Variants in DNAJC1 observed in about 807,000 individuals in gnomAD.
The protein encoded by DNAJC1 is DnaJ heat shock protein family (Hsp40) member C1.
A neutral mutation model predicts 76.6 loss-of-function variants in DNAJC1; 58 were observed. The observed-to-expected ratio is 0.76, with a 90% CI of 0.61 to 0.94. The LOEUF (loss-of-function observed/expected upper bound fraction) is 0.94. DNAJC1 is among the 40% of genes least tolerant of loss of function. The pLI, the probability that DNAJC1 is intolerant of heterozygous loss-of-function variation, is 0.00. For synonymous variants in DNAJC1, 258 were observed against 267.9 expected (o/e 0.96, Z 0.36); for missense variants, 689 against 677.3 (o/e 1.02, Z -0.19).
intron 1 of DNAJC1, among the ~76,000 whole-genome samples, chr10:21,966,951 T>C (rs1837901111): frequency 6.6e-6 from 1 of 151,874 alleles, no homozygotes; most frequent in Non-Finnish European, 1.5e-5. Context: ...CCTCCCAAAG[T>C]GCTGGGATTA....
At chr10:21,764,803 TAG>T (rs1834277556) in intron 10 of DNAJC1, among the ~76,000 whole-genome samples, 1 of 152,262 alleles carries the variant, frequency 6.6e-6, no homozygotes, top group Non-Finnish European at 1.5e-5. Context: ...ATGGTGCTTT[TAG>T]AGAGTCACAG....
intron 9 of DNAJC1, among the ~76,000 whole-genome samples, chr10:21,779,674 A>G (rs1826277801): frequency 6.6e-6 from 1 of 152,224 alleles, no homozygotes; most frequent in South Asian, 2.1e-4. Flanking sequence ...TGAGAATTCT[A>G]AAAATCTGAG....
rs1206624509 is a variant in DNAJC1, at chr10:21,954,580, T to C, written c.223-25439A>G. On this transcript the variant is annotated intron_variant, in intron 1 of 11. Coordinates refer to ENST00000376980, the MANE Select transcript of DNAJC1 (RefSeq NM_022365.4). ...TAGTAGGCTGAAATATAGAGTTAACTTAGTAACTCTCAACAACCATGTTTA... is the reference window on the plus strand; with the variant it reads ...TAGTAGGCTGAAATATAGAGTTAACCTAGTAACTCTCAACAACCATGTTTA... Among the ~76,000 whole-genome samples, 3 of 152,202 alleles carry C rather than the reference T, an allele frequency of 2.0e-5. No individual in the cohort carries two copies. In the East Asian group the frequency reaches 5.8e-4, roughly 29 times the overall value.
At chr10:21,931,454 T>C (rs554072856) in intron 1 of DNAJC1, among the ~76,000 whole-genome samples, 55 of 152,320 alleles carry the variant, frequency 3.6e-4, no homozygotes, top group Middle Eastern at 3.4e-3. Flanking sequence ...TCTAGATAAG[T>C]TGTACTTCAA....
chr10:21,904,556 A>T lies in DNAJC1; in HGVS notation c.786T>A (p.Asp262Glu), dbSNP rs755704263. The T allele has an allele frequency of 1.6e-5, 26 of 1,607,690 alleles. No homozygotes were observed. Among genetic ancestry groups the T allele is most frequent in the Non-Finnish European group, 2.2e-5 (26 of 1,177,332 alleles). ...YKETRLKEKE[D>E]ALTRTELETL... is the part of the protein sequence containing the mutation. ...TTTCAAGTTCAGTTCTAGTCAGTGC[A>T]TCTTCCTTTTCCTTCAATCTTGTTT... Residue 262 changes from aspartate (D) to glutamate (E), a missense_variant, in exon 7 of 12, where the codon GAT becomes GAA. Transcript: ENST00000376980.
chr10:21,962,666 TAG>T (rs1837818169), intron 1 of DNAJC1, among the ~76,000 whole-genome samples: 1 of 146,924 alleles, frequency 6.8e-6, no homozygotes, highest in African/African-American at 2.5e-5. Flanking sequence ...TTTTTTTTTG[TAG>T]AGACAGGTTA....
intron 1 of DNAJC1, among the ~76,000 whole-genome samples, chr10:21,968,383 C>T (rs1037541758): frequency 1.3e-5 from 2 of 152,110 alleles, no homozygotes; most frequent in African/African-American, 2.4e-5. Flanking sequence ...GGATTAGAGA[C>T]CTTATGTTAC....
At chr10:21,912,027 C>A (rs191173873) in intron 6 of DNAJC1, among the ~76,000 whole-genome samples, 11 of 152,140 alleles carry the variant, frequency 7.2e-5, no homozygotes, top group Admixed American at 2.6e-4. Flanking sequence ...TTATGATGGG[C>A]TTATCAGGAT....
chr10:21,876,264 C>T (rs1029385273), intron 8 of DNAJC1, among the ~76,000 whole-genome samples: 3 of 151,942 alleles, frequency 2.0e-5, no homozygotes, highest in Non-Finnish European at 4.4e-5. Flanking sequence ...GTGCGTGTCA[C>T]CAGACCTGGC....
At chr10:21,851,436 C>T (rs1835750614) in intron 8 of DNAJC1, among the ~76,000 whole-genome samples, 1 of 152,128 alleles carries the variant, frequency 6.6e-6, no homozygotes, top group South Asian at 2.1e-4. Context: ...TATCACTGCA[C>T]ACCCTAGGGT....
intron 1 of DNAJC1, among the ~76,000 whole-genome samples, chr10:21,932,919 C>T (rs1306933515): frequency 3.9e-5 from 6 of 152,036 alleles, no homozygotes; most frequent in Non-Finnish European, 8.8e-5. Context: ...ATGTATTAGC[C>T]AGTGCTGAAT....
intron 6 of DNAJC1, among the ~76,000 whole-genome samples, chr10:21,916,668 TG>T (rs1836960963): frequency 6.6e-6 from 1 of 152,144 alleles, no homozygotes; most frequent in African/African-American, 2.4e-5. Flanking sequence ...GAAAAAGACT[TG>T]TTGTAAATTT....
chr10:21,987,812 T>G (rs1038565674), intron 1 of DNAJC1, among the ~76,000 whole-genome samples: 3 of 152,198 alleles, frequency 2.0e-5, no homozygotes, highest in South Asian at 2.1e-4. Context: ...TTAGCAGAAC[T>G]CTAAGTGAAA....
At chr10:21,822,605 A>G (rs1835179480) in intron 8 of DNAJC1, among the ~76,000 whole-genome samples, 1 of 152,150 alleles carries the variant, frequency 6.6e-6, no homozygotes, top group South Asian at 2.1e-4. Flanking sequence ...GGCTAGAGTA[A>G]GACCTTAACA....
intron 1 of DNAJC1, among the ~76,000 whole-genome samples, chr10:21,966,810 C>T (rs540385261): frequency 1.3e-5 from 2 of 151,756 alleles, no homozygotes; most frequent in African/African-American, 4.8e-5. Flanking sequence ...CTCAGCCTCC[C>T]GAGTAGCTGG....
At chr10:21,773,916 C>A (rs1474647952) in intron 9 of DNAJC1, among the ~76,000 whole-genome samples, 1 of 150,566 alleles carries the variant, frequency 6.6e-6, no homozygotes, top group Non-Finnish European at 1.5e-5. Flanking sequence ...CCGAGGCGGG[C>A]GGATCACGAG....
chr10:21,937,519 G>A (rs906913033), intron 1 of DNAJC1, among the ~76,000 whole-genome samples: 3 of 151,876 alleles, frequency 2.0e-5, no homozygotes, highest in African/African-American at 4.8e-5. Context: ...CTATAATAAC[G>A]GAAACTTTAA....
chr10:21,962,361 T>G (rs558227694), intron 1 of DNAJC1, among the ~76,000 whole-genome samples: 56 of 151,364 alleles, frequency 3.7e-4, no homozygotes, highest in African/African-American at 1.3e-3. Context: ...TGCCACTTCT[T>G]AAAGCTTCTT....
chr10:21,984,839 A>C (rs1038715312), intron 1 of DNAJC1, among the ~76,000 whole-genome samples: 4 of 152,238 alleles, frequency 2.6e-5, no homozygotes, highest in Admixed American at 6.5e-5. Flanking sequence ...AAGTTCTGAC[A>C]GCATAGATGC....
Sources: gnomAD v4.1 joint callset for allele counts (sites outside exome capture counted in the v4.1 genomes callset) on GRCh38, gnomAD v4.1.1 for gene constraint, MANE v1.5 for transcripts, NCBI Gene and HGNC (gene_info 2026-07-23, HGNC 2026-07-21) for gene names.